SMPDL3B: variants seen among roughly 807,000 people sequenced by gnomAD.
SMPDL3B encodes sphingomyelin phosphodiesterase acid like 3B.
SMPDL3B carries 31 observed loss-of-function variants against 37.9 expected under a neutral mutation model. That is an observed-to-expected ratio of 0.82 (90% CI 0.61 to 1.10). The LOEUF (loss-of-function observed/expected upper bound fraction) is 1.10, where lower values mean the gene tolerates loss of function less well. Among genes scored for constraint, SMPDL3B ranks in the 50% least tolerant of loss-of-function variants. The probability of loss-of-function intolerance (pLI) is 0.00; values close to 1 mark genes in which losing one functional copy is unlikely to be tolerated. For synonymous variants in SMPDL3B, 235 were observed against 242.6 expected (o/e 0.97, Z 0.29); for missense variants, 525 against 597.8 (o/e 0.88, Z 1.27).
chr1:27,956,146 C>T, intron 7 of SMPDL3B, 64 bp downstream of exon 7: 1 of 1,613,872 alleles, frequency 6.2e-7, no homozygotes, highest in Non-Finnish European at 8.5e-7. Context: ...CACCACCTTC[C>T]CTCACTCTCA....
In SMPDL3B at chr1:27,958,373, C is replaced by G. The variant is rs1638357006; in HGVS notation, c.1006-103C>G. ...TAAGTGCTCAATAACTACTAGTGGT[C>G]ATGGTCACTGCTCTAAAGAACTTGG... On this transcript the variant is annotated intron_variant, in intron 7 of 7. Transcript: ENST00000373894. The surrounding 1 kb of genome is among the most constrained non-coding windows in gnomAD (Gnocchi z 5.6). The G allele has an allele frequency of 2.4e-5, 35 of 1,447,956 alleles. No individual in the cohort carries two copies. The highest frequency in any genetic ancestry group is 3.2e-5 in the Non-Finnish European group (34 of 1,076,424). 89.7% of individuals were successfully genotyped at this position (1,447,956 alleles called of 1,614,324 possible).
chr1:27,954,556 TCTGGGGTTATTTC>T, intron 5 of SMPDL3B, 30 bp downstream of exon 5: 1 of 1,605,838 alleles, frequency 6.2e-7, no homozygotes, highest in African/African-American at 1.3e-5. Flanking sequence ...TCTTTTCTCA[TCTGGGGTTATTTC>T]CTGCACAAGT....
chr1:27,946,988 T>C (rs2090414158), intron 2 of SMPDL3B, among the ~76,000 whole-genome samples: 1 of 151,860 alleles, frequency 6.6e-6, no homozygotes, highest in East Asian at 1.9e-4. Context: ...TGTGTAGCAT[T>C]CAGACAGATG....
At position 27,958,025 on chromosome 1, in the gene SMPDL3B, C is replaced by T. The variant is rs1403169707; in HGVS notation, c.1006-451C>T. On this transcript the variant is annotated intron_variant, in intron 7 of 7. Coordinates refer to ENST00000373894, the MANE Select transcript of SMPDL3B (RefSeq NM_014474.4). The surrounding 1 kb of genome is among the most constrained non-coding windows in gnomAD (Gnocchi z 5.6). ...ACTGATGAACCCTGCAGAGTCTAGC[C>T]GTGAACATGCACCTGGGTCCTAGGA... Among the ~76,000 whole-genome samples the T allele has an allele frequency of 6.6e-6, 1 of 152,148 alleles. No individual in the cohort carries two copies. Among genetic ancestry groups the T allele is most frequent in the Non-Finnish European group, 1.5e-5 (1 of 68,012 alleles).
intron 4 of SMPDL3B, among the ~76,000 whole-genome samples, chr1:27,953,986 G>A (rs560168330): frequency 6.6e-6 from 1 of 152,352 alleles, no homozygotes; most frequent in Admixed American, 6.5e-5. Flanking sequence ...CTGTGCCACA[G>A]AAGCCTGTTG....
At position 27,955,784 on chromosome 1, in the gene SMPDL3B, G is replaced by C. The variant is rs755194111; in HGVS notation, c.791G>C (p.Arg264Pro). 6.2e-7 allele frequency: 1 copy of C among 1,614,110 alleles called. No homozygotes were observed. Among genetic ancestry groups the C allele is most frequent in the Admixed American group, 1.7e-5 (1 of 60,010 alleles). Reference sequence around the variant, plus strand: ...AATGAAAAATACCTGAAGGTGGTCCGGAAGCATCATCGCGTCATAGCAGGG... The same window carrying C: ...AATGAAAAATACCTGAAGGTGGTCCCGAAGCATCATCGCGTCATAGCAGGG... ...GFNEKYLKVV[R>P]KHHRVIAGQF... Residue 264 changes from arginine (R) to proline (P), a missense_variant, in exon 6 of 8, where the codon CGG becomes CCG. Coordinates refer to ENST00000373894, the MANE Select transcript of SMPDL3B (RefSeq NM_014474.4).
rs1396918025 is a variant in SMPDL3B at position 27,955,574 on chromosome 1, C to T, written c.691-110C>T. The T allele has an allele frequency of 7.7e-6, 8 of 1,044,256 alleles. No homozygotes were observed. In the East Asian group the frequency reaches 1.4e-4, roughly 19 times the overall value. 64.7% of individuals were successfully genotyped at this position (1,044,256 alleles called of 1,614,324 possible). A position where few individuals can be genotyped will look rare whatever the true frequency, so the allele number is the denominator to read the frequency against. On this transcript the variant is annotated intron_variant, in intron 5 of 7. Transcript: ENST00000373894. The stretch of plus-strand genomic sequence containing the variant: ...CCGGGAGGCCTTCAGGGAGGAGATA[C>T]ATTTGGGCCTGTCTACCTGCCTTTG...
chr1:27,943,793 A>C (rs534383698), intron 1 of SMPDL3B, among the ~76,000 whole-genome samples: 2 of 151,830 alleles, frequency 1.3e-5, no homozygotes, highest in Admixed American at 1.3e-4. Flanking sequence ...GAGGTCAAGG[A>C]GTTTGAGACC....
intron 1 of SMPDL3B, among the ~76,000 whole-genome samples, chr1:27,942,917 C>T (rs1008991674): frequency 1.3e-5 from 2 of 151,896 alleles, no homozygotes; most frequent in African/African-American, 4.8e-5. Context: ...CTGCCTTAAC[C>T]TCCCAAAGTG....
rs2090399825 is a variant in SMPDL3B at position 27,945,521 on chromosome 1, C to T, written c.275+76C>T. On this transcript the variant is annotated intron_variant, in intron 2 of 7. Coordinates refer to ENST00000373894, the MANE Select transcript of SMPDL3B (RefSeq NM_014474.4). This position sits in a 1 kb window ranked among gnomAD's most constrained non-coding sequence, Gnocchi z 4.0. ...CTACATACCAGTCTGGCCCTTTGCC[C>T]ACATTATCTCCCTTAATCCTCACAT... is the stretch of plus-strand genomic sequence containing the variant. The T allele has an allele frequency of 8.7e-7, 1 of 1,153,180 alleles. No individual in the cohort carries two copies. The highest frequency in any genetic ancestry group is 1.5e-5 in the African/African-American group (1 of 65,710). 71.4% of individuals were successfully genotyped at this position (1,153,180 alleles called of 1,614,324 possible).
At chr1:27,936,348 G>T (rs867669918) in intron 1 of SMPDL3B, among the ~76,000 whole-genome samples, 1 of 151,954 alleles carries the variant, frequency 6.6e-6, no homozygotes, top group African/African-American at 2.4e-5. Flanking sequence ...AGCTACTTGG[G>T]AGACTCAGCT....
chr1:27,948,320 C>T (rs553397260), intron 2 of SMPDL3B, among the ~76,000 whole-genome samples: 34 of 152,232 alleles, frequency 2.2e-4, no homozygotes, highest in African/African-American at 7.9e-4. Context: ...GAAAGTCAGC[C>T]GGTGTGAGCT....
chr1:27,945,503 C>A lies in SMPDL3B; in HGVS notation c.275+58C>A. 1 of 1,350,394 alleles carries A rather than the reference C, an allele frequency of 7.4e-7. No homozygotes were observed. Among genetic ancestry groups the A allele is most frequent in the African/African-American group, 1.4e-5 (1 of 69,796 alleles). The allele number at this position is 1,350,394 out of a possible 1,614,324, so 83.7% of individuals were successfully genotyped here. ...CCAGGCATCTGCTATGTGCTACATA[C>A]CAGTCTGGCCCTTTGCCCACATTAT... On this transcript the variant is annotated intron_variant, in intron 2 of 7. Transcript: ENST00000373894. This position sits in a 1 kb window ranked among gnomAD's most constrained non-coding sequence, Gnocchi z 4.0.
chr1:27,942,820 T>C (rs760649250), intron 1 of SMPDL3B, among the ~76,000 whole-genome samples: 1 of 152,176 alleles, frequency 6.6e-6, no homozygotes, highest in Non-Finnish European at 1.5e-5. Context: ...TGAGCCACTG[T>C]GCCTGGCTGA....
intron 1 of SMPDL3B, among the ~76,000 whole-genome samples, chr1:27,937,927 A>G (rs2090323258): frequency 1.3e-5 from 2 of 152,182 alleles, no homozygotes; most frequent in South Asian, 4.1e-4. Flanking sequence ...TACCTTTGCA[A>G]TGGCAACACC....
chr1:27,952,887 C>T (rs2090465471), intron 3 of SMPDL3B, among the ~76,000 whole-genome samples: 1 of 152,224 alleles, frequency 6.6e-6, no homozygotes, highest in African/African-American at 2.4e-5. Flanking sequence ...GAATTGGGAA[C>T]ACTAAATTAC....
Position 27,935,201 on chromosome 1 carries a change from G to C in SMPDL3B, c.18G>C (p.Trp6Cys), listed in dbSNP as rs201300985. ...CCCCGAGGATGAGGCTGCTCGCCTG[G>C]CTGATTTTCCTGGCTAACTGGGGAG... MRLLA[W>C]LIFLANWGGA... Residue 6 changes from tryptophan (W) to cysteine (C), a missense_variant, in exon 1 of 8, where the codon TGG (tryptophan) becomes TGC (cysteine). By Grantham distance (215) the Trp-to-Cys change is radical. Coordinates refer to ENST00000373894, the MANE Select transcript of SMPDL3B (RefSeq NM_014474.4). 3.4e-5 allele frequency: 55 copies of C among 1,613,936 alleles called. No homozygotes were observed. The Middle Eastern group carries it at 8.2e-4, about 24-fold the overall frequency.
intron 1 of SMPDL3B, among the ~76,000 whole-genome samples, chr1:27,936,010 G>A (rs1338120233): frequency 6.6e-6 from 1 of 152,198 alleles, no homozygotes; most frequent in East Asian, 1.9e-4. Flanking sequence ...ATCATGGATA[G>A]CCTCGAAGAC....
chr1:27,937,816 C>G (rs1290745017), intron 1 of SMPDL3B, among the ~76,000 whole-genome samples: 1 of 152,108 alleles, frequency 6.6e-6, no homozygotes, highest in Admixed American at 6.5e-5. Flanking sequence ...GACTGGACTC[C>G]AGAGGCAGGG....
Sources: gnomAD v4.1 joint callset for allele counts (sites outside exome capture counted in the v4.1 genomes callset) on GRCh38, gnomAD v4.1.1 for gene constraint, Gnocchi (gnomAD v3.1) non-coding constraint, MANE v1.5 for transcripts, NCBI Gene and HGNC (gene_info 2026-07-23, HGNC 2026-07-21) for gene names.